Variants in BNC2 observed in about 807,000 individuals in gnomAD.
BNC2 encodes the protein basonuclin zinc finger protein 2, also known as zinc finger protein basonuclin-2.
In BNC2, 20 loss-of-function variants were observed where a neutral mutation model predicts 76.3. The ratio of observed to expected loss-of-function variants is 0.26; its 90% CI spans 0.18 to 0.38. The LOEUF is 0.38. Among genes scored for constraint, BNC2 ranks in the 10% least tolerant of loss-of-function variants. The pLI is 1.00. For synonymous variants in BNC2, 582 were observed against 514.8 expected (o/e 1.13, Z -1.77); for missense variants, 1,382 against 1,399.8 (o/e 0.99, Z 0.20).
chr9:16,800,458 G>A (rs1393591980), intron 1 of BNC2, among the ~76,000 whole-genome samples: 2 of 152,068 alleles, frequency 1.3e-5, no homozygotes, highest in Non-Finnish European at 2.9e-5. Flanking sequence ...ATAAAGTTGA[G>A]GGGATATTCT....
Position 16,778,399 on chromosome 9 carries a change from C to T in BNC2, c.4-39914G>A, listed in dbSNP as rs537835214. Among the ~76,000 whole-genome samples, 21 of 152,188 alleles carry T rather than the reference C, an allele frequency of 1.4e-4. No homozygotes were observed. In the South Asian group the frequency reaches 3.3e-3, roughly 24 times the overall value. On this transcript the variant is annotated intron_variant, in intron 1 of 6. Transcript: ENST00000380672. Reference sequence around the variant, plus strand: ...AAGACACAAACTTTGGAAGAAAAAACCCCCAAACTACCAACAATGATCATA... The same window carrying T: ...AAGACACAAACTTTGGAAGAAAAAATCCCCAAACTACCAACAATGATCATA...
At chr9:16,632,249 T>C (rs925859201) in intron 3 of BNC2, among the ~76,000 whole-genome samples, 2 of 152,176 alleles carry the variant, frequency 1.3e-5, no homozygotes, top group Admixed American at 6.5e-5. Context: ...GAACCCCTTC[T>C]ATGTTTTAGG....
Position 16,851,112 on chromosome 9 carries a change from T to C in BNC2, c.3+19534A>G, listed in dbSNP as rs879122659. Among the ~76,000 whole-genome samples the C allele has an allele frequency of 4.6e-5, 7 of 151,970 alleles. 1 individual carries two copies. The highest frequency in any genetic ancestry group is 3.9e-4 in the Admixed American group (6 of 15,282). On this transcript the variant is annotated intron_variant, in intron 1 of 6. Coordinates refer to ENST00000380672, the MANE Select transcript of BNC2 (RefSeq NM_017637.6). ...CAAATTTCCTTAGTGTATTCATTAG[T>C]ATAGTAATTATTTCAATGCTTCATT... is the stretch of plus-strand genomic sequence containing the variant.
rs1819657557 is a variant in BNC2, at chr9:16,582,669, TGTTTGA to T, written c.433+308_433+313del. On this transcript the variant is annotated intron_variant, in intron 4 of 6. Transcript: ENST00000380672. ...AGGCCCTGAAAGGCCAACTGTGGTA[TGTTTGA>T]GTTTCCATCAGGCCTGGTGCTTGCT... Among the ~76,000 whole-genome samples, 3 of 152,178 alleles carry T rather than the reference TGTTTGA, an allele frequency of 2.0e-5. No homozygotes were observed. The South Asian group carries it at 6.2e-4, about 31-fold the overall frequency.
At chr9:16,784,437 A>C (rs1195496616) in intron 1 of BNC2, among the ~76,000 whole-genome samples, 5 of 152,256 alleles carry the variant, frequency 3.3e-5, no homozygotes, top group Non-Finnish European at 5.9e-5. Flanking sequence ...GGGACAAAGT[A>C]ATAAGTGCCT....
chr9:16,706,193 A>G (rs1251189391), intron 3 of BNC2, among the ~76,000 whole-genome samples: 8 of 152,180 alleles, frequency 5.3e-5, no homozygotes, highest in Admixed American at 5.2e-4. Context: ...ACCCCAAAAT[A>G]CCCCTTTCTT....
chr9:16,656,398 G>A (rs1821931094), intron 3 of BNC2, among the ~76,000 whole-genome samples: 1 of 152,120 alleles, frequency 6.6e-6, no homozygotes, highest in African/African-American at 2.4e-5. Context: ...AGGATTCGGG[G>A]GTGGGGAGAG....
At chr9:16,595,061 TAAAG>T (rs1420146973) in intron 3 of BNC2, among the ~76,000 whole-genome samples, 1 of 152,106 alleles carries the variant, frequency 6.6e-6, no homozygotes, top group African/African-American at 2.4e-5. Context: ...CACTTTTAAA[TAAAG>T]AAAGTGACCC....
intron 5 of BNC2, among the ~76,000 whole-genome samples, chr9:16,551,584 T>G (rs1386514802): frequency 1.3e-5 from 2 of 152,236 alleles, no homozygotes; most frequent in Non-Finnish European, 2.9e-5. Flanking sequence ...ATGGGAAATT[T>G]GAAAAATTGC....
At chr9:16,674,029 C>A (rs1350620547) in intron 3 of BNC2, among the ~76,000 whole-genome samples, 3 of 152,236 alleles carry the variant, frequency 2.0e-5, no homozygotes. Context: ...ACAACTAGAA[C>A]TGTTCATTCC....
intron 6 of BNC2, among the ~76,000 whole-genome samples, chr9:16,424,494 C>T (rs976812273): frequency 6.6e-6 from 1 of 152,130 alleles, no homozygotes; most frequent in Admixed American, 6.5e-5. Flanking sequence ...CCTTTATTTT[C>T]CAGCTCAACT....
chr9:16,417,231 T>G lies in BNC2; in HGVS notation c.*1758A>C, dbSNP rs529854684. Reference sequence around the variant, plus strand: ...GCTGCAGACTGAACTTGAGTAAATATCATCATTTAGTCAGTATGTTGTGGT... The same window carrying G: ...GCTGCAGACTGAACTTGAGTAAATAGCATCATTTAGTCAGTATGTTGTGGT... On this transcript the variant is annotated 3_prime_UTR_variant, in exon 7 of 7. Coordinates refer to ENST00000380672, the MANE Select transcript of BNC2 (RefSeq NM_017637.6). 9.3e-4 allele frequency: 142 copies of G among 152,646 alleles called. 1 individual carries two copies. The highest frequency in any genetic ancestry group is 3.3e-3 in the African/African-American group (137 of 41,530). 9.5% of individuals were successfully genotyped at this position (152,646 alleles called of 1,614,324 possible). A position where few individuals can be genotyped will look rare whatever the true frequency, so the allele number is the denominator to read the frequency against.
chr9:16,561,953 C>T (rs1015849612), intron 4 of BNC2, among the ~76,000 whole-genome samples: 18 of 152,088 alleles, frequency 1.2e-4, no homozygotes, highest in African/African-American at 2.7e-4. Context: ...TGCAGTGAGC[C>T]GTGACTGAGC....
intron 1 of BNC2, among the ~76,000 whole-genome samples, chr9:16,779,130 A>AAAAAAAAAGAAAAG (rs556932807): frequency 1.6e-4 from 14 of 87,630 alleles, no homozygotes; most frequent in Admixed American, 9.0e-4. Flanking sequence ...AAAAAAAAAA[A>AAAAAAAAAGAAAAG]AAAAGAAAAG....
At chr9:16,765,782 A>T (rs1825672823) in intron 1 of BNC2, among the ~76,000 whole-genome samples, 1 of 134,808 alleles carries the variant, frequency 7.4e-6, no homozygotes, top group African/African-American at 2.7e-5. Context: ...CACTCTCGTA[A>T]TTTTTTTTTT....
At chr9:16,815,730 A>G (rs902725999) in intron 1 of BNC2, among the ~76,000 whole-genome samples, 5 of 152,182 alleles carry the variant, frequency 3.3e-5, no homozygotes, top group Non-Finnish European at 7.3e-5. Context: ...TTGTACTACT[A>G]TTTATTGGCT....
At chr9:16,811,133 G>A (rs778213172) in intron 1 of BNC2, among the ~76,000 whole-genome samples, 12 of 148,570 alleles carry the variant, frequency 8.1e-5, no homozygotes, top group Non-Finnish European at 1.5e-4. Flanking sequence ...TGAGGCAGGA[G>A]AATGGCATGA....
chr9:16,579,272 CTTTAA>C (rs144536389), intron 4 of BNC2, among the ~76,000 whole-genome samples: 7,876 of 150,024 alleles, frequency 0.052, 718 homozygotes, highest in African/African-American at 0.18. Context: ...ATTAATCACT[CTTTAA>C]TTTATTATTT....
intron 3 of BNC2, among the ~76,000 whole-genome samples, chr9:16,711,848 C>T (rs1277954935): frequency 6.6e-6 from 1 of 152,216 alleles, no homozygotes; most frequent in African/African-American, 2.4e-5. Context: ...AAAGGTATTT[C>T]TCTGAGTCTT....
Sources: allele counts gnomAD v4.1 joint callset (sites outside exome capture counted in the v4.1 genomes callset), GRCh38; gene constraint gnomAD v4.1.1; transcripts MANE v1.5; gene names NCBI Gene and HGNC (gene_info 2026-07-23, HGNC 2026-07-21).